The following TNXB variants were observed in gnomAD, a reference collection of about 807,000 sequenced individuals.
TNXB encodes tenascin-X.
Under a neutral mutation model 340.5 loss-of-function variants are expected in TNXB, and 183 were observed. The ratio of observed to expected loss-of-function variants is 0.54; its 90% CI spans 0.48 to 0.61. The LOEUF (loss-of-function observed/expected upper bound fraction) is 0.61, where lower values mean the gene tolerates loss of function less well. Ranked by LOEUF, TNXB falls within the 20% of genes least tolerant of loss-of-function variation. The pLI is 0.00. For synonymous variants in TNXB, 2,121 were observed against 2,314.5 expected (o/e 0.92, Z 2.40); for missense variants, 4,613 against 5,446.4 (o/e 0.85, Z 4.82).
Position 32,098,035 on chromosome 6 carries a change from G to A in TNXB, c.164C>T (p.Pro55Leu), listed in dbSNP as rs2127294359. The A allele has an allele frequency of 6.2e-7, 1 of 1,607,240 alleles. No homozygotes were observed. The highest frequency in any genetic ancestry group is 8.5e-7 in the Non-Finnish European group (1 of 1,178,076). The change falls in exon 2 of 44, where the codon CCC (proline) becomes CTC (leucine). Residue 55 changes from proline (P) to leucine (L), a missense_variant. By Grantham distance (98) the Pro-to-Leu change is moderately conservative. Around this residue, in one of 7 missense-constraint regions of TNXB, gnomAD observed 4,327 missense variants for 4,859.4 expected, o/e 0.89. Coordinates refer to ENST00000644971, the MANE Select transcript of TNXB (RefSeq NM_001365276.2). ...TGTGTGCTCGTAAAGCTGAGAAGAG[G>A]GGCTTCCCACTCCAGCCCCCACTGT... ...GHTVGAGVGS[P>L]SSQLYEHTVE...
At chr6:32,100,981 G>A (rs939392906) in intron 1 of TNXB, among the ~76,000 whole-genome samples, 1 of 149,148 alleles carries the variant, frequency 6.7e-6, no homozygotes, top group Non-Finnish European at 1.5e-5. Context: ...TCGGGAGGCT[G>A]AGGAGGAGAA....
chr6:32,060,168 A>G (rs902790762), intron 21 of TNXB, among the ~76,000 whole-genome samples: 26 of 151,954 alleles, frequency 1.7e-4, no homozygotes, highest in African/African-American at 6.3e-4. Context: ...CTCCCTCTCT[A>G]CTAAAAATAC....
chr6:32,049,257 T>C lies in TNXB; in HGVS notation c.9757+13A>G. 6.2e-7 allele frequency: 1 copy of C among 1,605,052 alleles called. No homozygotes were observed. Reference sequence around the variant, plus strand: ...AGGTAAACCTGGGGACGAGGGCCTGTCCCCCCACTCACCCGTGATGCCCAC... The same window carrying C: ...AGGTAAACCTGGGGACGAGGGCCTGCCCCCCCACTCACCCGTGATGCCCAC... On this transcript the variant is annotated intron_variant, in intron 28 of 43. Coordinates refer to ENST00000644971, the MANE Select transcript of TNXB (RefSeq NM_001365276.2). The surrounding 1 kb of genome is among the most constrained non-coding windows in gnomAD (Gnocchi z 4.5).
Position 32,058,435 on chromosome 6 carries a change from CA to C in TNXB, c.7493-46del, listed in dbSNP as rs145920729. 0.025 allele frequency: 37,106 copies of C among 1,459,040 alleles called. 1,214 individuals are homozygous for C. The highest frequency in any genetic ancestry group is 0.12 in the South Asian group (8,885 of 72,684). The allele number at this position is 1,459,040 out of a possible 1,614,324, so 90.4% of individuals were successfully genotyped here. ...GATACAGAGTTTAAGGGTTTAAGGGCAACTTGCTTTGCTGGTGCTGTCAACA... is the reference window on the plus strand; with the variant it reads ...GATACAGAGTTTAAGGGTTTAAGGGCACTTGCTTTGCTGGTGCTGTCAACA... On this transcript the variant is annotated intron_variant, in intron 21 of 43. Coordinates refer to ENST00000644971, the MANE Select transcript of TNXB (RefSeq NM_001365276.2). This position sits in a 1 kb window ranked among gnomAD's most constrained non-coding sequence, Gnocchi z 5.1.
chr6:32,050,996 C>T (rs1467604048), intron 26 of TNXB, among the ~76,000 whole-genome samples: 1 of 152,212 alleles, frequency 6.6e-6, no homozygotes, highest in Non-Finnish European at 1.5e-5. Context: ...TGGGAGACCC[C>T]AGGCCTCCTC....
Position 32,084,392 on chromosome 6 carries a change from G to A in TNXB, c.3445+21C>T. ...CTCTTCAGGGCAGTACAGAGGGCAG[G>A]GTGTTACTGCTGTCACTCACAGATC... On this transcript the variant is annotated intron_variant, in intron 8 of 43. Coordinates refer to ENST00000644971, the MANE Select transcript of TNXB (RefSeq NM_001365276.2). This position sits in a 1 kb window ranked among gnomAD's most constrained non-coding sequence, Gnocchi z 5.5. 1.3e-6 allele frequency: 2 copies of A among 1,567,056 alleles called. No individual in the cohort carries two copies. The highest frequency in any genetic ancestry group is 8.7e-7 in the Non-Finnish European group (1 of 1,152,568).
At position 32,058,746 on chromosome 6, in the gene TNXB, G is replaced by A. The variant is rs890127874; in HGVS notation, c.7493-356C>T. The stretch of plus-strand genomic sequence containing the variant: ...AAAGTTATAGCATGGAAGAACTCAC[G>A]ATGGGGTTATTCATGACAGCAGATG... On this transcript the variant is annotated intron_variant, in intron 21 of 43. Coordinates refer to ENST00000644971, the MANE Select transcript of TNXB (RefSeq NM_001365276.2). The surrounding 1 kb of genome is among the most constrained non-coding windows in gnomAD (Gnocchi z 5.1). Among the ~76,000 whole-genome samples, 22 of 151,932 alleles carry A rather than the reference G, an allele frequency of 1.4e-4. 1 individual carries two copies. Among genetic ancestry groups the A allele is most frequent in the African/African-American group, 5.3e-4 (22 of 41,206 alleles).
rs750687632 is a variant in TNXB, at chr6:32,098,127, G to T, written c.72C>A (p.Gly24=). The T allele has an allele frequency of 4.3e-5, 68 of 1,592,776 alleles. No individual in the cohort carries two copies. The highest frequency in any genetic ancestry group is 1.3e-4 in the East Asian group (6 of 44,540). Residue 24 remains glycine (G), a synonymous_variant, in exon 2 of 44, where the codon GGC becomes GGA. Transcript: ENST00000644971. ...LLVLLSTARA[G]PFSSRSNVTL... The stretch of plus-strand genomic sequence containing the variant: ...TCACATTGGACCGTGAAGAGAAGGG[G>T]CCTGCTCTGGCTGTGCTCAGCAGCA...
intron 3 of TNXB, 116 bp downstream of exon 3, chr6:32,095,495 T>C: frequency 2.9e-6 from 4 of 1,365,378 alleles, no homozygotes; most frequent in Admixed American, 2.2e-5. Flanking sequence ...TGGTGGGCAC[T>C]GGCTCCTTGG....
chr6:32,045,052 G>C lies in TNXB; in HGVS notation c.10881C>G (p.Leu3627=). The change falls in exon 32 of 44, where the codon CTC becomes CTG. Residue 3627 remains leucine (L), a synonymous_variant. Transcript: ENST00000644971. ...STPYRFLLYG[L]HEGKRLGPLS... is the part of the protein sequence containing the mutation. ...GGGGCCCCAGGCGCTTCCCTTCATGGAGGCCATAGAGGAGGAACCTGTAGG... is the reference window on the plus strand; with the variant it reads ...GGGGCCCCAGGCGCTTCCCTTCATGCAGGCCATAGAGGAGGAACCTGTAGG... 6.2e-7 allele frequency: 1 copy of C among 1,611,768 alleles called. No individual in the cohort carries two copies. The highest frequency in any genetic ancestry group is 8.5e-7 in the Non-Finnish European group (1 of 1,179,268).
Position 32,058,010 on chromosome 6 carries a change from C to A in TNXB, c.7825+48G>T. 1 of 1,551,788 alleles carries A rather than the reference C, an allele frequency of 6.4e-7. No homozygotes were observed. The highest frequency in any genetic ancestry group is 8.7e-7 in the Non-Finnish European group (1 of 1,151,506). ...TATAGGAAAATGGTAGAGAAGGGCACATTTTCTAGGGCTGTCTTCCAACCC... is the reference window on the plus strand; with the variant it reads ...TATAGGAAAATGGTAGAGAAGGGCAAATTTTCTAGGGCTGTCTTCCAACCC... On this transcript the variant is annotated intron_variant, in intron 22 of 43. Coordinates refer to ENST00000644971, the MANE Select transcript of TNXB (RefSeq NM_001365276.2). This position sits in a 1 kb window ranked among gnomAD's most constrained non-coding sequence, Gnocchi z 5.1.
intron 24 of TNXB, among the ~76,000 whole-genome samples, chr6:32,054,544 C>G (rs536380379): frequency 1.4e-4 from 21 of 152,226 alleles, no homozygotes; most frequent in Non-Finnish European, 2.8e-4. Context: ...GCTTCACTTC[C>G]TCTCCAAAGC....
chr6:32,086,081 C>G lies in TNXB; in HGVS notation c.2817G>C (p.Glu939Asp). 1 of 1,570,072 alleles carries G rather than the reference C, an allele frequency of 6.4e-7. No individual in the cohort carries two copies. The highest frequency in any genetic ancestry group is 8.6e-7 in the Non-Finnish European group (1 of 1,158,258). The part of the protein sequence containing the change: ...SPLGLLGTTD[E>D]PPPSGPSTTQ... Reference sequence around the variant, plus strand: ...TCGTCGAGGGGCCTGAGGGAGGAGGCTCATCGGTAGTCCCCAAGAGGCCCA... The same window carrying G: ...TCGTCGAGGGGCCTGAGGGAGGAGGGTCATCGGTAGTCCCCAAGAGGCCCA... Residue 939 changes from glutamate (E) to aspartate (D), a missense_variant, in exon 7 of 44, where the codon GAG (glutamate) becomes GAC (aspartate). Glu to Asp is a conservative substitution (Grantham distance 45). Around this residue, in one of 7 missense-constraint regions of TNXB, gnomAD observed 4,327 missense variants for 4,859.4 expected, o/e 0.89. Coordinates refer to ENST00000644971, the MANE Select transcript of TNXB (RefSeq NM_001365276.2).
chr6:32,067,132 G>GA lies in TNXB; in HGVS notation c.6544+528dup, dbSNP rs1554321218. Among the ~76,000 whole-genome samples the GA allele has an allele frequency of 1.4e-4, 16 of 118,082 alleles. No homozygotes were observed. Among genetic ancestry groups the GA allele is most frequent in the Admixed American group, 4.6e-4 (5 of 10,858 alleles). The allele number at this position is 118,082 out of a possible 152,430, so 77.5% of individuals were successfully genotyped here. A position where few individuals can be genotyped will look rare whatever the true frequency, so the allele number is the denominator to read the frequency against. On this transcript the variant is annotated intron_variant, in intron 18 of 43. Transcript: ENST00000644971. The surrounding 1 kb of genome is among the most constrained non-coding windows in gnomAD (Gnocchi z 4.2). ...AAGAAAGAGAAAGAAAGAAAGGAAG[G>GA]AAGAAAGAAAGAAAGAAAGAAAGAA...
chr6:32,096,047 G>A lies in TNXB; in HGVS notation c.1806C>T (p.Asp602=). ...AGCCTTCCCAACAGATGCACACACC[G>A]TCCTGGCACACGCCGTGCTGGCTGC... ...NDCSQHGVCQ[D]GVCICWEGYV... The change falls in exon 3 of 44, where the codon GAC becomes GAT. Residue 602 remains aspartate (D), a synonymous_variant. Transcript: ENST00000644971. 2 of 1,613,152 alleles carry A rather than the reference G, an allele frequency of 1.2e-6. No homozygotes were observed. The highest frequency in any genetic ancestry group is 1.7e-6 in the Non-Finnish European group (2 of 1,179,774).
rs777975682 is a variant in TNXB, at chr6:32,056,907, G to A, written c.7826-4C>T. ...TGGGTGGTCTCGGCTTCATCCTCTG[G>A]AGTTGGACAGACACGTGTGGGGACA... On this transcript the variant is annotated splice_region_variant and splice_polypyrimidine_tract_variant and intron_variant, in intron 22 of 43. Coordinates refer to ENST00000644971, the MANE Select transcript of TNXB (RefSeq NM_001365276.2). The A allele has an allele frequency of 8.1e-6, 13 of 1,610,470 alleles. No individual in the cohort carries two copies. Among genetic ancestry groups the A allele is most frequent in the African/African-American group, 1.3e-5 (1 of 74,944 alleles).
chr6:32,057,402 T>C (rs1373411238), intron 22 of TNXB, among the ~76,000 whole-genome samples: 2 of 152,140 alleles, frequency 1.3e-5, no homozygotes, highest in Non-Finnish European at 2.9e-5. Context: ...TCCCCGATCC[T>C]AGTTTGAGCC....
At position 32,061,524 on chromosome 6, in the gene TNXB, C is replaced by T; in HGVS notation, c.7365G>A (p.Val2455=). 3 of 1,613,656 alleles carry T rather than the reference C, an allele frequency of 1.9e-6. No individual in the cohort carries two copies. Among genetic ancestry groups the T allele is most frequent in the Non-Finnish European group, 2.5e-6 (3 of 1,179,880 alleles). Residue 2455 remains valine (V), a synonymous_variant, in exon 21 of 44, where the codon GTG becomes GTA. Transcript: ENST00000644971. The surrounding 1 kb of genome is among the most constrained non-coding windows in gnomAD (Gnocchi z 4.4). ...YKDRDGRPQV[V]RVGGEESEVT... ...CCTCGCTCTCCTCGCCCCCAACACGCACCACCTGGGGCCGCCCGTCCCTGT... is the reference window on the plus strand; with the variant it reads ...CCTCGCTCTCCTCGCCCCCAACACGTACCACCTGGGGCCGCCCGTCCCTGT...
rs1780418712 is a variant in TNXB at position 32,096,810 on chromosome 6, T to C, written c.1043A>G (p.Glu348Gly). 1 of 1,591,356 alleles carries C rather than the reference T, an allele frequency of 6.3e-7. No individual in the cohort carries two copies. Among genetic ancestry groups the C allele is most frequent in the South Asian group, 1.1e-5 (1 of 87,508 alleles). ...GCGGCCGTCCACGCAGCGCCCGCCC[T>C]CGCCACAGTCCCAGGGGCAGCTCCG... is the stretch of plus-strand genomic sequence containing the variant. ...GTRSCPWDCG[E>G]GGRCVDGRCV... The change falls in exon 3 of 44, where the codon GAG (glutamate) becomes GGG (glycine). Residue 348 changes from glutamate to glycine, a missense_variant. This residue lies in a region of TNXB where 4,327 missense variants were observed against 4,859.4 expected (regional missense o/e 0.89). Transcript: ENST00000644971.
Sources: gnomAD v4.1 joint callset for allele counts (sites outside exome capture counted in the v4.1 genomes callset) on GRCh38, gnomAD v4.1.1 for gene constraint, gnomAD v4.1.1 regional missense constraint, Gnocchi (gnomAD v3.1) non-coding constraint, MANE v1.5 for transcripts, NCBI Gene and HGNC (gene_info 2026-07-23, HGNC 2026-07-21) for gene names.